The following SLC46A3 variants were observed in gnomAD, a reference collection of about 807,000 sequenced individuals.
SLC46A3 encodes solute carrier family 46 member 3.
A neutral mutation model predicts 38.5 loss-of-function variants in SLC46A3; 26 were observed. That is an observed-to-expected ratio of 0.68 (90% CI 0.49 to 0.94). SLC46A3 has a LOEUF of 0.94. Ranked by LOEUF, SLC46A3 falls within the 40% of genes least tolerant of loss-of-function variation. The pLI is 0.00. For synonymous variants in SLC46A3, 185 were observed against 192.5 expected (o/e 0.96, Z 0.32); for missense variants, 510 against 544.3 (o/e 0.94, Z 0.63).
chr13:28,715,701 G>A (rs1046200901), intron 2 of SLC46A3, among the ~76,000 whole-genome samples: 4 of 152,054 alleles, frequency 2.6e-5, no homozygotes, highest in Non-Finnish European at 4.4e-5. Context: ...CAAGAAGGAG[G>A]GTATTGAATG....
In SLC46A3 at chr13:28,701,242, CT is replaced by C. The variant is rs2137816281; in HGVS notation, c.*254del. 1.4e-6 allele frequency: 2 copies of C among 1,392,580 alleles called. No individual in the cohort carries two copies. The highest frequency in any genetic ancestry group is 5.3e-5 in the East Asian group (2 of 38,066). The allele number at this position is 1,392,580 out of a possible 1,614,324, so 86.3% of individuals were successfully genotyped here. ...AAGTTTTAATGTTTCTCTTCTAAGT[CT>C]AAAAGTGAGGCGTATTTGAAATTTG... On this transcript the variant is annotated 3_prime_UTR_variant, in exon 6 of 6. Transcript: ENST00000266943.
At position 28,705,623 on chromosome 13, in the gene SLC46A3, T is replaced by A. The variant is rs1425730447; in HGVS notation, c.1145-1524A>T. ...TTGCTCACAGCTGTATCCCTAGGGCTCAGCTGTCCGGGTGCATGGCAGACA... is the reference window on the plus strand; with the variant it reads ...TTGCTCACAGCTGTATCCCTAGGGCACAGCTGTCCGGGTGCATGGCAGACA... On this transcript the variant is annotated intron_variant, in intron 4 of 5. Coordinates refer to ENST00000266943, the MANE Select transcript of SLC46A3 (RefSeq NM_181785.4). Among the ~76,000 whole-genome samples, 4 of 152,206 alleles carry A rather than the reference T, an allele frequency of 2.6e-5. No homozygotes were observed. The East Asian group carries it at 7.7e-4, about 29-fold the overall frequency.
intron 2 of SLC46A3, among the ~76,000 whole-genome samples, chr13:28,716,741 C>CTGACA (rs2137843363): frequency 6.6e-6 from 1 of 152,190 alleles, no homozygotes. Context: ...CTAACCTCAC[C>CTGACA]CCAGCAAGGT....
chr13:28,701,499 A>G lies in SLC46A3; in HGVS notation c.1384T>C (p.Ter462ArgextTer2), dbSNP rs1362913661. The G allele has an allele frequency of 6.2e-7, 1 of 1,612,120 alleles. No homozygotes were observed. Among genetic ancestry groups the G allele is most frequent in the Non-Finnish European group, 8.5e-7 (1 of 1,179,154 alleles). Residue 462 changes from the stop codon to arginine, a stop_lost, in exon 6 of 6, where the codon TGA becomes CGA. Coordinates refer to ENST00000266943, the MANE Select transcript of SLC46A3 (RefSeq NM_181785.4). ...TTTTTTGTTTGTTTAAATCACAGTCACCTGTCTGAAGCATCTTCACTGGAT... is the reference window on the plus strand; with the variant it reads ...TTTTTTGTTTGTTTAAATCACAGTCGCCTGTCTGAAGCATCTTCACTGGAT... ...EESSEDASDR[*>R]
chr13:28,715,705 T>C (rs1477518376), intron 2 of SLC46A3, among the ~76,000 whole-genome samples: 3 of 152,152 alleles, frequency 2.0e-5, no homozygotes, highest in Non-Finnish European at 4.4e-5. Context: ...AAGGAGGGTA[T>C]TGAATGTTCC....
intron 3 of SLC46A3, 40 bp downstream of exon 3, chr13:28,712,640 C>T (rs1377978991): frequency 6.7e-7 from 1 of 1,496,776 alleles, no homozygotes; most frequent in Admixed American, 2.5e-5. Flanking sequence ...ATATGAATAT[C>T]AAATACATAG....
intron 2 of SLC46A3, among the ~76,000 whole-genome samples, chr13:28,715,978 CAAAAAA>C (rs10594317): frequency 1.6e-5 from 2 of 128,764 alleles, no homozygotes; most frequent in Non-Finnish European, 3.2e-5. Flanking sequence ...CCTGTCTCTA[CAAAAAA>C]AAAAAAAAAA....
chr13:28,705,265 A>T lies in SLC46A3; in HGVS notation c.1145-1166T>A, dbSNP rs543678353. ...AAACTGCAATGCATTTTTCTTACTG[A>T]CAATACAAATCATGTAAATAATTGT... On this transcript the variant is annotated intron_variant, in intron 4 of 5. Coordinates refer to ENST00000266943, the MANE Select transcript of SLC46A3 (RefSeq NM_181785.4). 2.1e-3 allele frequency among the ~76,000 whole-genome samples: 323 copies of T among 152,348 alleles called. 1 individual carries two copies. The highest frequency in any genetic ancestry group is 7.2e-3 in the African/African-American group (298 of 41,580).
chr13:28,710,704 C>T, intron 4 of SLC46A3, 56 bp downstream of exon 4: 1 of 1,293,428 alleles, frequency 7.7e-7, no homozygotes, highest in East Asian at 2.3e-5. Context: ...TGATTGTACA[C>T]AGATTTGAGT....
chr13:28,710,771 GA>G lies in SLC46A3; in HGVS notation c.1132del (p.Ser378ArgfsTer14). 2 of 1,613,098 alleles carry G rather than the reference GA, an allele frequency of 1.2e-6. No individual in the cohort carries two copies. Among genetic ancestry groups the G allele is most frequent in the Non-Finnish European group, 1.7e-6 (2 of 1,179,264 alleles). ...LRSMLSKVVR[S>X]TEQGTLFACI... ...CAAATTAAACTCACCTTGTTCAGTC[GA>G]ACGAACCACTTTTGACAACATGGAC... is the stretch of plus-strand genomic sequence containing the variant. On this transcript the variant is annotated frameshift_variant, in exon 4 of 6. Transcript: ENST00000266943. LOFTEE classifies it high-confidence loss of function.
Position 28,717,935 on chromosome 13 carries a change from GA to G in SLC46A3, c.63del (p.Pro22HisfsTer2). ...CGATAAACATATTGCGTTGTCAGTGGACCGGTCAAAGTCATAGCAAATGCAC... is the reference window on the plus strand; with the variant it reads ...CGATAAACATATTGCGTTGTCAGTGGCCGGTCAAAGTCATAGCAAATGCAC... ...FLSAFAMTLTGPLTTQYVYRR... is the reference protein window; with the variant it reads ...FLSAFAMTLTXPLTTQYVYRR... On this transcript the variant is annotated frameshift_variant, in exon 2 of 6. Transcript: ENST00000266943. LOFTEE classifies it high-confidence loss of function. 6.2e-7 allele frequency: 1 copy of G among 1,614,080 alleles called. No individual in the cohort carries two copies. Among genetic ancestry groups the G allele is most frequent in the Non-Finnish European group, 8.5e-7 (1 of 1,180,036 alleles).
chr13:28,702,447 T>C (rs982636217), intron 5 of SLC46A3, among the ~76,000 whole-genome samples: 1 of 152,250 alleles, frequency 6.6e-6, no homozygotes, highest in African/African-American at 2.4e-5. Context: ...GTTTAGAGTA[T>C]GTTTCTAAAA....
chr13:28,706,306 G>A (rs958629775), intron 4 of SLC46A3, among the ~76,000 whole-genome samples: 8 of 152,006 alleles, frequency 5.3e-5, no homozygotes, highest in Non-Finnish European at 8.8e-5. Context: ...TGAAAACTTC[G>A]GCAGTATTTC....
intron 3 of SLC46A3, among the ~76,000 whole-genome samples, chr13:28,711,124 C>T (rs868068607): frequency 1.3e-5 from 2 of 151,966 alleles, no homozygotes; most frequent in East Asian, 1.9e-4. Flanking sequence ...TATAATCTGC[C>T]GATTAAGACT....
chr13:28,714,853 A>G (rs1885483891), intron 2 of SLC46A3, among the ~76,000 whole-genome samples: 1 of 152,242 alleles, frequency 6.6e-6, no homozygotes, highest in African/African-American at 2.4e-5. Flanking sequence ...CAGATGACAT[A>G]CACACACAGA....
chr13:28,710,670 A>G, intron 4 of SLC46A3, 90 bp downstream of exon 4: 1 of 982,080 alleles, frequency 1.0e-6, no homozygotes, highest in Non-Finnish European at 1.6e-6. Context: ...AAAGGGCTGT[A>G]GAATATTCTG....
At chr13:28,703,423 G>A (rs191646636) in intron 5 of SLC46A3, among the ~76,000 whole-genome samples, 1 of 152,226 alleles carries the variant, frequency 6.6e-6, no homozygotes, top group Admixed American at 6.5e-5. Flanking sequence ...TTTAATCAAT[G>A]GTTTAAAGGT....
Position 28,701,153 on chromosome 13 carries a change from G to T in SLC46A3, c.*344C>A. 1 of 1,421,824 alleles carries T rather than the reference G, an allele frequency of 7.0e-7. No homozygotes were observed. Among genetic ancestry groups the T allele is most frequent in the Non-Finnish European group, 9.2e-7 (1 of 1,087,860 alleles). 88.1% of individuals were successfully genotyped at this position (1,421,824 alleles called of 1,614,324 possible). On this transcript the variant is annotated 3_prime_UTR_variant, in exon 6 of 6. Coordinates refer to ENST00000266943, the MANE Select transcript of SLC46A3 (RefSeq NM_181785.4). ...TCTTTGGTCTCAGTGTAAGAGCCTG[G>T]AATATGTCAGAGAGATTATTGCTTT...
At chr13:28,706,216 C>T (rs1021491225) in intron 4 of SLC46A3, among the ~76,000 whole-genome samples, 3 of 152,052 alleles carry the variant, frequency 2.0e-5, no homozygotes, top group African/African-American at 7.2e-5. Context: ...TGGTGCAGAG[C>T]GCAGAGATTG....
Sources: gnomAD v4.1 joint callset for allele counts (sites outside exome capture counted in the v4.1 genomes callset) on GRCh38, gnomAD v4.1.1 for gene constraint, MANE v1.5 for transcripts, NCBI Gene and HGNC (gene_info 2026-07-23, HGNC 2026-07-21) for gene names.